Variants in CNTN1 observed in about 807,000 individuals in gnomAD.
The protein encoded by CNTN1 is contactin 1.
In CNTN1, 38 loss-of-function variants were observed where a neutral mutation model predicts 126.4. That is an observed-to-expected ratio of 0.30 (90% CI 0.23 to 0.39). The LOEUF is 0.39. CNTN1 is among the 10% of genes least tolerant of loss of function. The pLI, the probability that CNTN1 is intolerant of heterozygous loss-of-function variation, is 1.00. For missense variants in CNTN1, 1,009 were observed against 1,248.4 expected (o/e 0.81, Z 2.89); for synonymous variants, 413 against 422.6 (o/e 0.98, Z 0.28).
intron 1 of CNTN1, among the ~76,000 whole-genome samples, chr12:40,902,697 T>C (rs911122811): frequency 3.3e-5 from 5 of 152,220 alleles, no homozygotes; most frequent in Admixed American, 6.5e-5. Context: ...GATGAAAAGC[T>C]AGTTTCATTT....
At chr12:40,727,876 T>C (rs1942398892) in intron 1 of CNTN1, among the ~76,000 whole-genome samples, 1 of 152,162 alleles carries the variant, frequency 6.6e-6, no homozygotes, top group Admixed American at 6.5e-5. Flanking sequence ...TGCATTTGAG[T>C]GGGATGAGAG....
At chr12:40,831,002 A>G (rs1430767228) in intron 1 of CNTN1, among the ~76,000 whole-genome samples, 3 of 142,346 alleles carry the variant, frequency 2.1e-5, no homozygotes, top group South Asian at 2.2e-4. Context: ...CATATATACT[A>G]TAAGTTAATA....
intron 1 of CNTN1, among the ~76,000 whole-genome samples, chr12:40,706,282 A>C (rs1941740195): frequency 9.1e-6 from 1 of 110,312 alleles, no homozygotes. Context: ...TGATGCTTTA[A>C]CCAGAGAGAA....
chr12:40,773,672 T>TATATAC (rs1475496300), intron 1 of CNTN1, among the ~76,000 whole-genome samples: 2 of 9,702 alleles, frequency 2.1e-4, no homozygotes, highest in African/African-American at 3.9e-4. Context: ...TATATATATA[T>TATATAC]ACACATATAT....
intron 14 of CNTN1, among the ~76,000 whole-genome samples, chr12:40,952,807 C>G (rs1476291536): frequency 6.6e-6 from 1 of 151,916 alleles, no homozygotes; most frequent in South Asian, 2.1e-4. Flanking sequence ...CTCTAACAAG[C>G]CAAAAGTAAA....
intron 1 of CNTN1, among the ~76,000 whole-genome samples, chr12:40,764,988 A>G (rs1939021692): frequency 6.6e-6 from 1 of 152,078 alleles, no homozygotes; most frequent in South Asian, 2.1e-4. Flanking sequence ...TTACAAAAAT[A>G]TTTGTAAAAT....
intron 1 of CNTN1, among the ~76,000 whole-genome samples, chr12:40,889,402 C>T (rs562095449): frequency 1.3e-5 from 2 of 152,298 alleles, no homozygotes; most frequent in South Asian, 4.1e-4. Context: ...TTTTCAGTCT[C>T]TTCAATTTAT....
At chr12:40,757,613 T>A (rs1318233374) in intron 1 of CNTN1, among the ~76,000 whole-genome samples, 1 of 152,148 alleles carries the variant, frequency 6.6e-6, no homozygotes, top group Non-Finnish European at 1.5e-5. Context: ...GGTTTCAGCT[T>A]CCACTATGCT....
intron 21 of CNTN1, among the ~76,000 whole-genome samples, chr12:41,025,717 C>A (rs1949023114): frequency 6.6e-6 from 1 of 152,120 alleles, no homozygotes; most frequent in South Asian, 2.1e-4. Flanking sequence ...AATTTATAAA[C>A]CTCTGTCATT....
At chr12:40,730,816 A>G (rs965671613) in intron 1 of CNTN1, among the ~76,000 whole-genome samples, 12 of 152,280 alleles carry the variant, frequency 7.9e-5, no homozygotes, top group Non-Finnish European at 7.4e-5. Flanking sequence ...TTGATTTAGT[A>G]AAGTGACTAT....
chr12:40,967,435 G>A (rs1351084006), intron 15 of CNTN1, among the ~76,000 whole-genome samples: 1 of 152,040 alleles, frequency 6.6e-6, no homozygotes, highest in Admixed American at 6.6e-5. Context: ...AGCCGAGATC[G>A]TGCCACTGCA....
intron 1 of CNTN1, among the ~76,000 whole-genome samples, chr12:40,786,023 C>T (rs896795051): frequency 9.2e-5 from 14 of 152,166 alleles, no homozygotes; most frequent in African/African-American, 1.9e-4. Context: ...CAAATTATCA[C>T]GCACATTGTG....
rs74076939 is a variant in CNTN1 at position 41,020,080 on chromosome 12, G to C, written c.2420-257G>C. On this transcript the variant is annotated intron_variant, in intron 19 of 23. Coordinates refer to ENST00000551295, the MANE Select transcript of CNTN1 (RefSeq NM_001843.4). ...AAAGTGTGTGTGGGAATGTGTATGT[G>C]TATATGTCTATATTAACATTTATGT... 3.2e-3 allele frequency among the ~76,000 whole-genome samples: 480 copies of C among 152,138 alleles called. 2 individuals are homozygous for C. Among genetic ancestry groups the C allele is most frequent in the African/African-American group, 0.011 (470 of 41,550 alleles).
At chr12:41,057,852 A>G (rs1949859536) in intron 23 of CNTN1, among the ~76,000 whole-genome samples, 1 of 152,136 alleles carries the variant, frequency 6.6e-6, no homozygotes, top group Non-Finnish European at 1.5e-5. Context: ...AATAAAGGTG[A>G]AGAGTCGTGA....
chr12:40,702,306 A>T (rs1459399575), intron 1 of CNTN1, among the ~76,000 whole-genome samples: 1 of 152,012 alleles, frequency 6.6e-6, no homozygotes, highest in Non-Finnish European at 1.5e-5. Flanking sequence ...ATTTATTTTC[A>T]TTGTACTGTA....
intron 1 of CNTN1, among the ~76,000 whole-genome samples, chr12:40,859,572 T>C (rs1027270236): frequency 6.6e-6 from 1 of 152,150 alleles, no homozygotes; most frequent in Non-Finnish European, 1.5e-5. Context: ...TTTTGCACTT[T>C]TGCCACACAG....
intron 1 of CNTN1, among the ~76,000 whole-genome samples, chr12:40,737,349 A>ATG (rs1185641804): frequency 2.6e-5 from 3 of 116,130 alleles, no homozygotes; most frequent in African/African-American, 9.5e-5. Flanking sequence ...GTGTGTATAT[A>ATG]TGTGTGTGTG....
At chr12:41,067,566 A>G (rs1296510918) in intron 23 of CNTN1, among the ~76,000 whole-genome samples, 1 of 138,248 alleles carries the variant, frequency 7.2e-6, no homozygotes, top group South Asian at 2.5e-4. Flanking sequence ...GAATTGAACA[A>G]TGAGATCACA....
At chr12:40,763,869 C>G (rs886559945) in intron 1 of CNTN1, among the ~76,000 whole-genome samples, 1 of 152,172 alleles carries the variant, frequency 6.6e-6, no homozygotes, top group Admixed American at 6.5e-5. Context: ...TGTAGCAGCT[C>G]TGCTCCAGAT....
Sources: gnomAD v4.1 joint callset for allele counts (sites outside exome capture counted in the v4.1 genomes callset) on GRCh38, gnomAD v4.1.1 for gene constraint, MANE v1.5 for transcripts, NCBI Gene and HGNC (gene_info 2026-07-23, HGNC 2026-07-21) for gene names.